ACOX3: variants seen among roughly 807,000 people sequenced by gnomAD.
ACOX3 encodes the protein acyl-CoA oxidase 3, pristanoyl, also known as peroxisomal acyl-coenzyme A oxidase 3.
ACOX3 carries 73 observed loss-of-function variants against 81.5 expected under a neutral mutation model. The observed-to-expected ratio is 0.90, with a 90% CI of 0.74 to 1.09. The LOEUF (loss-of-function observed/expected upper bound fraction) is 1.09. Among genes scored for constraint, ACOX3 ranks in the 50% least tolerant of loss-of-function variants. ACOX3 has a pLI of 0.00. For missense variants in ACOX3, 947 were observed against 928.0 expected (o/e 1.02, Z -0.27); for synonymous variants, 387 against 375.1 (o/e 1.03, Z -0.37).
rs575062416 is a variant in ACOX3 at position 8,431,338 on chromosome 4, C to T, written c.-15+9310G>A. 1.1e-4 allele frequency among the ~76,000 whole-genome samples: 16 copies of T among 152,334 alleles called. No homozygotes were observed. In the East Asian group the frequency reaches 2.9e-3, roughly 28 times the overall value. The stretch of plus-strand genomic sequence containing the variant: ...TCAGACTGTAGTTCTCAGCTTTGAC[C>T]GTGGCTTCACCTCGGGGCCACCTTC... On this transcript the variant is annotated intron_variant, in intron 1 of 17. Coordinates refer to ENST00000356406, the MANE Select transcript of ACOX3 (RefSeq NM_003501.3). This position sits in a 1 kb window ranked among gnomAD's most constrained non-coding sequence, Gnocchi z 5.3.
chr4:8,410,463 G>A, intron 5 of ACOX3, 108 bp from the exon 6 acceptor site: 1 of 1,432,368 alleles, frequency 7.0e-7, no homozygotes, highest in South Asian at 1.3e-5. Context: ...AATCTCTGAG[G>A]CAAGAGTTGA....
chr4:8,396,825 A>C (rs1017506407), intron 9 of ACOX3, 112 bp downstream of exon 9: 1 of 1,271,284 alleles, frequency 7.9e-7, no homozygotes, highest in East Asian at 2.6e-5. Flanking sequence ...CATCCTGTTA[A>C]TTGCCTTAAG....
At chr4:8,362,996 G>T (rs953260863), downstream of ACOX3, among the ~76,000 whole-genome samples, 1 of 152,230 alleles carries the variant, frequency 6.6e-6, no homozygotes, top group South Asian at 2.1e-4. Context: ...ACTAGAGAGA[G>T]AAATTATGTT....
chr4:8,356,604 G>A, the ACOX3 span: 21 of 456,418 alleles, frequency 4.6e-5, no homozygotes, highest in Non-Finnish European at 7.9e-5. Flanking sequence ...GCAGAATGGT[G>A]TACGCTAACA....
chr4:8,431,560 G>T lies in ACOX3; in HGVS notation c.-15+9088C>A, dbSNP rs374826664. 3.5e-4 allele frequency among the ~76,000 whole-genome samples: 54 copies of T among 152,338 alleles called. No homozygotes were observed. Among genetic ancestry groups the T allele is most frequent in the African/African-American group, 1.2e-3 (50 of 41,574 alleles). On this transcript the variant is annotated intron_variant, in intron 1 of 17. Coordinates refer to ENST00000356406, the MANE Select transcript of ACOX3 (RefSeq NM_003501.3). This position sits in a 1 kb window ranked among gnomAD's most constrained non-coding sequence, Gnocchi z 5.3. ...CCTGGGTGGATGGAGATGCCACTGG[G>T]ACTGACACCAAGGGAGCAAATTTGG...
intron 1 of ACOX3, among the ~76,000 whole-genome samples, chr4:8,429,428 C>T (rs1276091569): frequency 2.0e-5 from 3 of 152,164 alleles, no homozygotes; most frequent in Admixed American, 1.3e-4. Context: ...GTTCCAGGTG[C>T]AGGGGCTTTA....
At chr4:8,377,930 C>T (rs1176199230) in intron 14 of ACOX3, among the ~76,000 whole-genome samples, 1 of 152,162 alleles carries the variant, frequency 6.6e-6, no homozygotes, top group Non-Finnish European at 1.5e-5. Context: ...TCCGGGAGCC[C>T]CACTGCCCCC....
At chr4:8,373,701 G>A in intron 15 of ACOX3, 73 bp from the exon 16 acceptor site, 1 of 1,447,570 alleles carries the variant, frequency 6.9e-7, no homozygotes. Flanking sequence ...CATGCCCTGA[G>A]TGCACTTTCC....
chr4:8,356,715 C>G, the ACOX3 span: 1 of 456,192 alleles, frequency 2.2e-6, no homozygotes, highest in African/African-American at 2.0e-5. Context: ...TGCACGCTAA[C>G]ATGATCCCAG....
At chr4:8,392,670 A>G (rs1030731048) in intron 10 of ACOX3, among the ~76,000 whole-genome samples, 3 of 152,038 alleles carry the variant, frequency 2.0e-5, no homozygotes, top group Non-Finnish European at 4.4e-5. Context: ...TTTCACAACA[A>G]TGAAAACACA....
chr4:8,375,102 G>C lies in ACOX3; in HGVS notation c.1704C>G (p.Val568=), dbSNP rs1055665482. The change falls in exon 15 of 18, where the codon GTC becomes GTG. Residue 568 remains valine (V), a synonymous_variant. Transcript: ENST00000356406. ...GGTGCACGTGCTCGTGGAACCTCTG[G>C]ACCACCGTGAGCTCCACGAAGGCCA... The part of the protein sequence containing the change: ...LALAFVELTV[V]QRFHEHVHQP... The C allele has an allele frequency of 1.9e-6, 3 of 1,554,722 alleles. No individual in the cohort carries two copies. The African/African-American group carries it at 4.1e-5, about 21-fold the overall frequency.
rs1471758656 is a variant in ACOX3, at chr4:8,389,327, C to T, written c.1424-41G>A. 1.3e-6 allele frequency: 2 copies of T among 1,573,910 alleles called. No homozygotes were observed. Among genetic ancestry groups the T allele is most frequent in the Non-Finnish European group, 8.7e-7 (1 of 1,152,244 alleles). On this transcript the variant is annotated intron_variant, in intron 12 of 17. Transcript: ENST00000356406. The surrounding 1 kb of genome is among the most constrained non-coding windows in gnomAD (Gnocchi z 5.3). ...CAGTGACTTTGGTGGAAGACAGGAACCCAAACCATTGGGAACCCCAAGCTG... is the reference window on the plus strand; with the variant it reads ...CAGTGACTTTGGTGGAAGACAGGAATCCAAACCATTGGGAACCCCAAGCTG...
At position 8,409,937 on chromosome 4, in the gene ACOX3, C is replaced by T. The variant is rs1248295677; in HGVS notation, c.687+275G>A. Among the ~76,000 whole-genome samples the T allele has an allele frequency of 4.8e-5, 7 of 146,072 alleles. No individual in the cohort carries two copies. In the East Asian group the frequency reaches 1.2e-3, roughly 26 times the overall value. On this transcript the variant is annotated intron_variant, in intron 6 of 17. Transcript: ENST00000356406. ...GGCGGAGCTGTCTGTGCACTGTGGG[C>T]GCGGCTGTCTGTGCACTGTGGGCAG...
intron 7 of ACOX3, among the ~76,000 whole-genome samples, chr4:8,401,869 C>A (rs943287078): frequency 1.3e-5 from 2 of 152,230 alleles, no homozygotes; most frequent in Non-Finnish European, 2.9e-5. Flanking sequence ...CTCGGCCCAC[C>A]TGGGAATTCT....
Position 8,415,778 on chromosome 4 carries a change from G to A in ACOX3, c.366C>T (p.Leu122=), listed in dbSNP as rs1362654654. 1 of 1,614,040 alleles carries A rather than the reference G, an allele frequency of 6.2e-7. No individual in the cohort carries two copies. Among genetic ancestry groups the A allele is most frequent in the South Asian group, 1.1e-5 (1 of 91,064 alleles). ...GCCGCATGCTCACCAAGCTATGGAG[G>A]AGGTACTTGGCAGCCAGAGAAGAGT... ...MYDSSLAAKY[L]LHSLVFGSAV... The change falls in exon 3 of 18, where the codon CTC becomes CTT. Residue 122 remains leucine (L), a synonymous_variant. Coordinates refer to ENST00000356406, the MANE Select transcript of ACOX3 (RefSeq NM_003501.3).
intron 1 of ACOX3, among the ~76,000 whole-genome samples, chr4:8,420,428 G>A (rs1325982701): frequency 1.3e-5 from 2 of 152,188 alleles, no homozygotes; most frequent in African/African-American, 4.8e-5. Context: ...GCTGGGGAAG[G>A]TGACCACACC....
chr4:8,409,914 C>T (rs557479468), intron 6 of ACOX3, among the ~76,000 whole-genome samples: 5 of 141,094 alleles, frequency 3.5e-5, no homozygotes, highest in African/African-American at 8.1e-5. Flanking sequence ...ACACTGTGGG[C>T]GGAGCTGTCT....
chr4:8,422,280 A>C (rs1016784218), intron 1 of ACOX3, among the ~76,000 whole-genome samples: 3 of 152,220 alleles, frequency 2.0e-5, no homozygotes, highest in African/African-American at 7.2e-5. Flanking sequence ...TAAGAAAAAA[A>C]CAGTGTACCC....
chr4:8,358,513 T>C, the ACOX3 span, among the ~76,000 whole-genome samples: 1 of 152,128 alleles, frequency 6.6e-6, no homozygotes, highest in African/African-American at 2.4e-5. Context: ...CTGGGTAAAA[T>C]GAGGCTGAGA....
Sources: gnomAD v4.1 joint callset for allele counts (sites outside exome capture counted in the v4.1 genomes callset) on GRCh38, gnomAD v4.1.1 for gene constraint, Gnocchi (gnomAD v3.1) non-coding constraint, MANE v1.5 for transcripts, NCBI Gene and HGNC (gene_info 2026-07-23, HGNC 2026-07-21) for gene names.